The following HS6ST2 variants were observed in gnomAD, a reference collection of about 807,000 sequenced individuals.
The protein encoded by HS6ST2 is heparan sulfate 6-O-sulfotransferase 2.
Under a neutral mutation model 33.0 loss-of-function variants are expected in HS6ST2, and 17 were observed. That is an observed-to-expected ratio of 0.52 (90% CI 0.35 to 0.77). The LOEUF is 0.77. HS6ST2 is among the 30% of genes least tolerant of loss of function. HS6ST2 has a pLI of 0.01. For missense variants in HS6ST2, 519 were observed against 551.7 expected, an observed-to-expected ratio of 0.94 and a Z score of 0.59; for synonymous variants, 248 against 237.1, an observed-to-expected ratio of 1.05 and a Z score of -0.42.
chrX:132,766,271 T>C (rs2064847726), intron 2 of HS6ST2, among the ~76,000 whole-genome samples: 1 of 112,623 alleles, frequency 8.9e-6, no homozygotes, highest in African/African-American at 3.2e-5. Context: ...CTTTCACCAT[T>C]AATTTAACTA....
At chrX:132,857,495 G>GA (rs942286471) in intron 2 of HS6ST2, among the ~76,000 whole-genome samples, 9 of 96,179 alleles carry the variant, frequency 9.4e-5, no homozygotes, top group South Asian at 4.5e-4. Context: ...AAAAAAAAAA[G>GA]AAAAAAAAAA....
intron 2 of HS6ST2, among the ~76,000 whole-genome samples, chrX:132,911,670 G>A (rs749869708): frequency 0.032 from 1,287 of 40,361 alleles, 18 homozygotes; most frequent in Admixed American, 0.046. Context: ...ACGGAGTCTC[G>A]CTCTGTTGTC....
chrX:132,861,321 A>G (rs1279482908), intron 2 of HS6ST2, among the ~76,000 whole-genome samples: 1 of 112,073 alleles, frequency 8.9e-6, no homozygotes, highest in Non-Finnish European at 1.9e-5. Context: ...TATTAGGGCT[A>G]ACTCTATAAA....
intron 2 of HS6ST2, among the ~76,000 whole-genome samples, chrX:132,771,374 G>A (rs187248758): frequency 9.0e-6 from 1 of 111,639 alleles, no homozygotes; most frequent in East Asian, 2.8e-4. Context: ...TTACTGAATG[G>A]ATACTACCTA....
chrX:132,756,853 G>GTA lies in HS6ST2; in HGVS notation c.948-48360_948-48359insTA, dbSNP rs1401359694. Among the ~76,000 whole-genome samples the GTA allele has an allele frequency of 2.8e-5, 3 of 108,853 alleles. No homozygotes were observed. In the East Asian group the frequency reaches 8.6e-4, roughly 31 times the overall value. 94.5% of individuals were successfully genotyped at this position (108,853 alleles called of 115,157 possible). ...TGTGTGTGTGTGTGTGTGTGTGTGT[G>GTA]TGTCTTTTCAGTACCCGAGAGTCAT... On this transcript the variant is annotated intron_variant, in intron 2 of 4. Transcript: ENST00000370833.
intron 2 of HS6ST2, among the ~76,000 whole-genome samples, chrX:132,908,820 G>A (rs188030383): frequency 1.8e-5 from 2 of 110,130 alleles, no homozygotes; most frequent in Admixed American, 9.8e-5. Flanking sequence ...GTACAACTTC[G>A]TAAATATACT....
intron 2 of HS6ST2, among the ~76,000 whole-genome samples, chrX:132,804,129 T>C (rs930883470): frequency 5.3e-5 from 6 of 112,387 alleles, no homozygotes; most frequent in African/African-American, 1.9e-4. Context: ...ATGCCTGTTA[T>C]AAAAGTGTGA....
At chrX:132,901,584 A>T (rs1367265317) in intron 2 of HS6ST2, among the ~76,000 whole-genome samples, 4 of 111,812 alleles carry the variant, frequency 3.6e-5, no homozygotes, top group Non-Finnish European at 1.9e-5. Context: ...GACTTAAAAA[A>T]TTTCATATTT....
At chrX:132,757,452 G>C (rs1256498257) in intron 2 of HS6ST2, among the ~76,000 whole-genome samples, 2 of 111,655 alleles carry the variant, frequency 1.8e-5, no homozygotes, top group East Asian at 5.6e-4. Flanking sequence ...GCCACTCTCT[G>C]CCAGGGAGCA....
rs1192960892 is a variant in HS6ST2 at position 132,754,631 on chromosome X, A to T, written c.948-46137T>A. On this transcript the variant is annotated intron_variant, in intron 2 of 4. Coordinates refer to ENST00000370833, the MANE Select transcript of HS6ST2 (RefSeq NM_001394073.1). ...ACTGGGTTTCACCATGTTAGCCAGG[A>T]TGGTCTTGATCTCTGACCTCATGAT... Among the ~76,000 whole-genome samples the T allele has an allele frequency of 2.8e-5, 3 of 109,071 alleles. No homozygotes were observed. The East Asian group carries it at 8.7e-4, about 32-fold the overall frequency. 94.7% of individuals were successfully genotyped at this position (109,071 alleles called of 115,157 possible).
At chrX:132,858,113 T>C (rs1388534425) in intron 2 of HS6ST2, among the ~76,000 whole-genome samples, 3 of 111,764 alleles carry the variant, frequency 2.7e-5, no homozygotes, top group Non-Finnish European at 5.6e-5. Flanking sequence ...AATAAAACAT[T>C]TCCTTTCCAT....
At chrX:132,865,594 A>ACAGTG (rs1175002128) in intron 2 of HS6ST2, among the ~76,000 whole-genome samples, 4 of 109,622 alleles carry the variant, frequency 3.6e-5, no homozygotes, top group Non-Finnish European at 7.7e-5. Flanking sequence ...AGTCTCACCA[A>ACAGTG]CAGTGTAAAA....
At chrX:132,871,241 G>C (rs1317348024) in intron 2 of HS6ST2, among the ~76,000 whole-genome samples, 1 of 112,255 alleles carries the variant, frequency 8.9e-6, no homozygotes, top group Non-Finnish European at 1.9e-5. Context: ...CTCATGCCCA[G>C]TTAGAATGGT....
At chrX:132,826,549 G>A (rs371039016) in intron 2 of HS6ST2, among the ~76,000 whole-genome samples, 2 of 109,627 alleles carry the variant, frequency 1.8e-5, no homozygotes, top group African/African-American at 3.3e-5. Flanking sequence ...TTAATTTCAC[G>A]TTTCAACATT....
intron 2 of HS6ST2, among the ~76,000 whole-genome samples, chrX:132,888,216 T>C (rs947535602): frequency 3.6e-5 from 4 of 111,201 alleles, no homozygotes; most frequent in African/African-American, 1.3e-4. Flanking sequence ...CGAGACTGGG[T>C]AATTTATAAA....
rs376777188 is a variant in HS6ST2, at chrX:132,901,045, A to G, written c.947+55763T>C. 5.3e-5 allele frequency among the ~76,000 whole-genome samples: 6 copies of G among 112,346 alleles called. No homozygotes were observed. The East Asian group carries it at 1.4e-3, about 26-fold the overall frequency. ...AGGAACTGATGGGGGTTTCCAGCTGACAGTCAGTGATGAACTGAGGCCTTC... is the reference window on the plus strand; with the variant it reads ...AGGAACTGATGGGGGTTTCCAGCTGGCAGTCAGTGATGAACTGAGGCCTTC... On this transcript the variant is annotated intron_variant, in intron 2 of 4. Coordinates refer to ENST00000370833, the MANE Select transcript of HS6ST2 (RefSeq NM_001394073.1).
At chrX:132,629,142 G>A (rs764179375) in intron 4 of HS6ST2, 49 bp from the exon 5 acceptor site, 1 of 1,136,332 alleles carries the variant, frequency 8.8e-7, no homozygotes, top group East Asian at 3.2e-5. Context: ...GGCGAAATAA[G>A]TGGAGTCATG....
At chrX:132,671,949 A>T (rs770493811) in intron 3 of HS6ST2, among the ~76,000 whole-genome samples, 6 of 111,792 alleles carry the variant, frequency 5.4e-5, no homozygotes, top group Non-Finnish European at 9.4e-5. Flanking sequence ...TGACTGTGGT[A>T]TAGAAAAGTT....
At position 132,817,249 on chromosome X, in the gene HS6ST2, G is replaced by A. The variant is rs182769459; in HGVS notation, c.948-108755C>T. Among the ~76,000 whole-genome samples the A allele has an allele frequency of 1.9e-3, 208 of 111,196 alleles. 1 individual carries two copies. The Admixed American group carries it at 0.019, about 10-fold the overall frequency. ...ATTTGAATCATGTCAATATGCAGAG[G>A]GTTTGGGTGGCTTCTGGTTGGTCAC... On this transcript the variant is annotated intron_variant, in intron 2 of 4. Coordinates refer to ENST00000370833, the MANE Select transcript of HS6ST2 (RefSeq NM_001394073.1).
Sources: allele counts gnomAD v4.1 joint callset (sites outside exome capture counted in the v4.1 genomes callset), GRCh38; gene constraint gnomAD v4.1.1; transcripts MANE v1.5; gene names NCBI Gene and HGNC (gene_info 2026-07-23, HGNC 2026-07-21).